Variants in SLC9A9 observed in about 807,000 individuals in gnomAD.
The protein encoded by SLC9A9 is solute carrier family 9 member A9.
SLC9A9 carries 62 observed loss-of-function variants against 77.8 expected under a neutral mutation model. The observed-to-expected ratio is 0.80, with a 90% CI of 0.65 to 0.98. SLC9A9 has a LOEUF of 0.98. Ranked by LOEUF, SLC9A9 falls within the 50% of genes least tolerant of loss-of-function variation. The pLI is 0.00. For missense variants in SLC9A9, 775 were observed against 774.9 expected (o/e 1.00, Z 0.00); for synonymous variants, 320 against 283.5 (o/e 1.13, Z -1.29).
intron 14 of SLC9A9, among the ~76,000 whole-genome samples, chr3:143,270,551 G>A (rs774785618): frequency 6.6e-5 from 10 of 152,122 alleles, no homozygotes; most frequent in Non-Finnish European, 1.3e-4. Flanking sequence ...TGTCTTTATG[G>A]AGGTGAGGTG....
chr3:143,436,588 G>T lies in SLC9A9; in HGVS notation c.1469+30449C>A, dbSNP rs529523834. Among the ~76,000 whole-genome samples, 140 of 152,328 alleles carry T rather than the reference G, an allele frequency of 9.2e-4. 1 individual carries two copies. Among genetic ancestry groups the T allele is most frequent in the Non-Finnish European group, 1.4e-3 (97 of 68,028 alleles). ...TCTTGCCTTCTTCCTGGTACAGATGGAAGAAGAAACTGTGAAAGTGAGGCT... is the reference window on the plus strand; with the variant it reads ...TCTTGCCTTCTTCCTGGTACAGATGTAAGAAGAAACTGTGAAAGTGAGGCT... On this transcript the variant is annotated intron_variant, in intron 12 of 15. Transcript: ENST00000316549.
At chr3:143,325,694 T>A (rs1383253909) in intron 14 of SLC9A9, among the ~76,000 whole-genome samples, 1 of 152,136 alleles carries the variant, frequency 6.6e-6, no homozygotes, top group African/African-American at 2.4e-5. Flanking sequence ...CTGTATGGAG[T>A]CTTCAAACCT....
chr3:143,760,950 G>T (rs571268979), intron 4 of SLC9A9, among the ~76,000 whole-genome samples: 2 of 152,180 alleles, frequency 1.3e-5, no homozygotes, highest in African/African-American at 4.8e-5. Context: ...TATACTACAA[G>T]GCTACAGTAA....
intron 6 of SLC9A9, among the ~76,000 whole-genome samples, chr3:143,635,555 T>A (rs1389069436): frequency 6.6e-6 from 1 of 152,258 alleles, no homozygotes; most frequent in East Asian, 1.9e-4. Context: ...AAGTTGCGGA[T>A]GAATTATGTT....
At chr3:143,745,697 G>C (rs1935184694) in intron 4 of SLC9A9, among the ~76,000 whole-genome samples, 1 of 152,020 alleles carries the variant, frequency 6.6e-6, no homozygotes, top group African/African-American at 2.4e-5. Flanking sequence ...TATCATTCCA[G>C]GTGCCAAAGT....
intron 6 of SLC9A9, among the ~76,000 whole-genome samples, chr3:143,615,347 A>C (rs956961631): frequency 1.3e-5 from 2 of 152,220 alleles, no homozygotes; most frequent in African/African-American, 4.8e-5. Flanking sequence ...CTGGTAACTG[A>C]CCGAGATTGA....
intron 12 of SLC9A9, among the ~76,000 whole-genome samples, chr3:143,447,440 T>A (rs1021656551): frequency 2.0e-5 from 3 of 152,218 alleles, no homozygotes; most frequent in African/African-American, 7.2e-5. Context: ...TAGAATAATT[T>A]TCTCTCTGAA....
At chr3:143,561,009 C>T (rs1252381926) in intron 8 of SLC9A9, among the ~76,000 whole-genome samples, 2 of 152,066 alleles carry the variant, frequency 1.3e-5, no homozygotes, top group African/African-American at 2.4e-5. Flanking sequence ...GGCAAAACCC[C>T]GTCTCTACTA....
intron 14 of SLC9A9, among the ~76,000 whole-genome samples, chr3:143,349,256 G>T (rs1202078651): frequency 6.6e-6 from 1 of 152,176 alleles, no homozygotes; most frequent in Non-Finnish European, 1.5e-5. Flanking sequence ...TGGGCTTAAA[G>T]GTGCTTACCT....
intron 12 of SLC9A9, among the ~76,000 whole-genome samples, chr3:143,397,002 A>G (rs1201915865): frequency 6.6e-6 from 1 of 152,104 alleles, no homozygotes; most frequent in Non-Finnish European, 1.5e-5. Flanking sequence ...TGTTCCAGAC[A>G]CAAATGCAGA....
At chr3:143,840,666 C>T (rs1327188618) in intron 1 of SLC9A9, among the ~76,000 whole-genome samples, 5 of 152,212 alleles carry the variant, frequency 3.3e-5, no homozygotes, top group African/African-American at 1.2e-4. Flanking sequence ...GACAGTGGAA[C>T]ATTTCAGAGG....
intron 5 of SLC9A9, among the ~76,000 whole-genome samples, chr3:143,687,401 T>C (rs1933305614): frequency 6.6e-6 from 1 of 152,084 alleles, no homozygotes; most frequent in Non-Finnish European, 1.5e-5. Context: ...TGTTTTAAGG[T>C]TGTTGAAGAT....
chr3:143,719,442 C>T (rs1056448621), intron 4 of SLC9A9, among the ~76,000 whole-genome samples: 1 of 151,998 alleles, frequency 6.6e-6, no homozygotes, highest in Non-Finnish European at 1.5e-5. Flanking sequence ...CCAAGTAGGG[C>T]CTTTCAGGGA....
intron 14 of SLC9A9, among the ~76,000 whole-genome samples, chr3:143,309,725 A>G (rs767534261): frequency 5.9e-5 from 9 of 152,218 alleles, no homozygotes; most frequent in Admixed American, 1.3e-4. Flanking sequence ...CCTTAAAAGA[A>G]AAGGTTGGAA....
At chr3:143,673,298 C>CTTTGCAACAAGTCCTCTATAAATAAAA (rs2039188267) in intron 5 of SLC9A9, among the ~76,000 whole-genome samples, 1 of 152,130 alleles carries the variant, frequency 6.6e-6, no homozygotes, top group African/African-American at 2.4e-5. Flanking sequence ...CCCATAGGAG[C>CTTTGCAACAAGTCCTCTATAAATAAAA]CCTGCAGGAT....
At chr3:143,385,202 A>G (rs2293331) in intron 12 of SLC9A9, among the ~76,000 whole-genome samples, 125,955 of 151,868 alleles carry the variant, frequency 0.83, 52,389 homozygotes, top group African/African-American at 0.86. Context: ...TCCTGACTGT[A>G]ACAATATGTT....
intron 11 of SLC9A9, among the ~76,000 whole-genome samples, chr3:143,484,122 T>TC (rs2035617234): frequency 6.6e-6 from 1 of 152,244 alleles, no homozygotes; most frequent in African/African-American, 2.4e-5. Flanking sequence ...CTAAACTTAT[T>TC]CATGAAGCAG....
chr3:143,831,636 G>C (rs529010182), intron 2 of SLC9A9, among the ~76,000 whole-genome samples: 216 of 152,322 alleles, frequency 1.4e-3, no homozygotes, highest in African/African-American at 4.8e-3. Flanking sequence ...TTTGGCTTAA[G>C]AAAGATTTGA....
intron 3 of SLC9A9, among the ~76,000 whole-genome samples, chr3:143,795,298 A>AAAAAAAAAAAAAAC (rs773512846): frequency 2.1e-5 from 3 of 140,212 alleles, no homozygotes; most frequent in African/African-American, 7.7e-5. Flanking sequence ...AAAAAAAAAA[A>AAAAAAAAAAAAAAC]AACCCACTGG....
Sources: gnomAD v4.1 joint callset for allele counts (sites outside exome capture counted in the v4.1 genomes callset) on GRCh38, gnomAD v4.1.1 for gene constraint, MANE v1.5 for transcripts, NCBI Gene and HGNC (gene_info 2026-07-23, HGNC 2026-07-21) for gene names.